The following CACNA1B variants were observed in gnomAD, a reference collection of about 807,000 sequenced individuals.
CACNA1B encodes the protein calcium voltage-gated channel subunit alpha1 B.
In CACNA1B, 70 loss-of-function variants were observed where a neutral mutation model predicts 247.2. The ratio of observed to expected loss-of-function variants is 0.28; its 90% CI spans 0.23 to 0.35. The LOEUF (loss-of-function observed/expected upper bound fraction) is 0.35, where lower values mean the gene tolerates loss of function less well. Ranked by LOEUF, CACNA1B falls within the 10% of genes least tolerant of loss-of-function variation. CACNA1B has a pLI of 1.00. For synonymous variants in CACNA1B, 1,231 were observed against 1,294.4 expected, an observed-to-expected ratio of 0.95 and a Z score of 1.05; for missense variants, 2,367 against 3,197.4, an observed-to-expected ratio of 0.74 and a Z score of 6.26.
rs183810511 is a variant in CACNA1B, at chr9:137,967,889, C to T, written c.1334-3494C>T. Among the ~76,000 whole-genome samples the T allele has an allele frequency of 9.1e-4, 139 of 152,316 alleles. 1 individual carries two copies. The highest frequency in any genetic ancestry group is 2.7e-3 in the African/African-American group (112 of 41,568). ...TGCATCTGGAGCCCCTCCTGTTTCA[C>T]GTGGTGTTGCTTGCTCTGCTCCTGT... On this transcript the variant is annotated intron_variant, in intron 10 of 46. Transcript: ENST00000371372.
chr9:138,118,561 AC>A, intron 43 of CACNA1B, 90 bp from the exon 44 acceptor site: 1 of 649,758 alleles, frequency 1.5e-6, no homozygotes, highest in Non-Finnish European at 2.7e-6. Flanking sequence ...TTTGGGTGAG[AC>A]CCCAGTGCCT....
In CACNA1B at chr9:138,058,417, T is replaced by C. The variant is rs1372887934; in HGVS notation, c.4309-152T>C. Reference sequence around the variant, plus strand: ...TGCAGAGGGACCGGATTTGGCTGGTTGAGGCCTGCTTGGAGAAGGTCTGGG... The same window carrying C: ...TGCAGAGGGACCGGATTTGGCTGGTCGAGGCCTGCTTGGAGAAGGTCTGGG... On this transcript the variant is annotated intron_variant, in intron 28 of 46. Transcript: ENST00000371372. This position sits in a 1 kb window ranked among gnomAD's most constrained non-coding sequence, Gnocchi z 4.7. 1.3e-5 allele frequency among the ~76,000 whole-genome samples: 2 copies of C among 152,190 alleles called. No homozygotes were observed. Among genetic ancestry groups the C allele is most frequent in the Non-Finnish European group, 2.9e-5 (2 of 68,034 alleles).
intron 18 of CACNA1B, among the ~76,000 whole-genome samples, chr9:138,022,370 G>C (rs114920637): frequency 0.01 from 1,530 of 152,162 alleles, 21 homozygotes; most frequent in African/African-American, 0.034. Context: ...ACTGGCAGAG[G>C]CTCTGCGTTT....
chr9:137,908,030 C>T (rs538252189), intron 3 of CACNA1B, among the ~76,000 whole-genome samples: 1 of 152,346 alleles, frequency 6.6e-6, no homozygotes, highest in South Asian at 2.1e-4. Flanking sequence ...TGCCCCATGC[C>T]TTCCCTGTCC....
At position 138,058,248 on chromosome 9, in the gene CACNA1B, G is replaced by A. The variant is rs1322525317; in HGVS notation, c.4306G>A (p.Glu1436Lys). The change falls in exon 28 of 47, where the codon GAG becomes AAG. Residue 1436 changes from glutamate to lysine, a missense_variant and splice_region_variant. Coordinates refer to ENST00000371372, the MANE Select transcript of CACNA1B (RefSeq NM_000718.4). The surrounding 1 kb of genome is among the most constrained non-coding windows in gnomAD (Gnocchi z 4.7). ...GTCTGAATGCAGCCTGGAGAAGAAC[G>A]AGGTAGGTGGACGCTCTGTGGAGTC... ...VMSECSLEKNERACIDFAISA... is the reference protein window; with the variant it reads ...VMSECSLEKNKRACIDFAISA... The A allele has an allele frequency of 1.2e-5, 19 of 1,611,792 alleles. No homozygotes were observed. Among genetic ancestry groups the A allele is most frequent in the Non-Finnish European group, 1.6e-5 (19 of 1,177,950 alleles).
intron 20 of CACNA1B, among the ~76,000 whole-genome samples, chr9:138,032,454 A>G (rs1958998836): frequency 6.6e-6 from 1 of 152,036 alleles, no homozygotes; most frequent in Non-Finnish European, 1.5e-5. Flanking sequence ...ATTTACCTGT[A>G]TTTTTACTCC....
chr9:137,908,991 C>A lies in CACNA1B; in HGVS notation c.531-4189C>A, dbSNP rs374004030. 3.0e-4 allele frequency among the ~76,000 whole-genome samples: 45 copies of A among 148,216 alleles called. No homozygotes were observed. In the East Asian group the frequency reaches 7.8e-3, roughly 26 times the overall value. On this transcript the variant is annotated intron_variant, in intron 3 of 46. Coordinates refer to ENST00000371372, the MANE Select transcript of CACNA1B (RefSeq NM_000718.4). ...TATAACATGAAGTTTTCTGTTTTAA[C>A]CTTTTTTTTTTTTTTTGAGACAGAA...
intron 11 of CACNA1B, among the ~76,000 whole-genome samples, chr9:137,975,638 G>A (rs190621004): frequency 2.0e-4 from 30 of 152,328 alleles, no homozygotes; most frequent in East Asian, 1.9e-3. Context: ...GGCTGATCTC[G>A]GGAGCTTGCC....
At chr9:137,978,588 A>G (rs1237229942) in intron 12 of CACNA1B, among the ~76,000 whole-genome samples, 2 of 152,188 alleles carry the variant, frequency 1.3e-5, no homozygotes, top group East Asian at 3.8e-4. Context: ...AGCTCGGCAG[A>G]GTTTACAGGA....
At chr9:138,116,354 A>G (rs961387224) in intron 42 of CACNA1B, among the ~76,000 whole-genome samples, 9 of 152,260 alleles carry the variant, frequency 5.9e-5, no homozygotes, top group African/African-American at 1.7e-4. Context: ...CAAATCACCC[A>G]GAAGCAGGTG....
chr9:137,992,992 A>G (rs1958450954), intron 15 of CACNA1B, among the ~76,000 whole-genome samples: 1 of 152,190 alleles, frequency 6.6e-6, no homozygotes, highest in African/African-American at 2.4e-5. Flanking sequence ...CTGAACGATA[A>G]TAGTGACACA....
At chr9:138,101,035 G>A (rs1330128913) in intron 37 of CACNA1B, 1 of 467,928 alleles carries the variant, frequency 2.1e-6, no homozygotes, top group Non-Finnish European at 4.4e-6. Flanking sequence ...CCCATCACAG[G>A]CTGGGCGGGC....
intron 36 of CACNA1B, among the ~76,000 whole-genome samples, chr9:138,090,459 A>G (rs966027282): frequency 1.3e-5 from 2 of 152,066 alleles, no homozygotes; most frequent in African/African-American, 4.8e-5. Context: ...TACTAGAATA[A>G]AATACAGGGA....
intron 32 of CACNA1B, 40 bp downstream of exon 32, chr9:138,069,803 C>T: frequency 1.9e-6 from 3 of 1,590,994 alleles, no homozygotes; most frequent in Non-Finnish European, 2.6e-6. Flanking sequence ...CAAGTCCTTG[C>T]TTTGCTCGCT....
rs551567772 is a variant in CACNA1B, at chr9:138,050,241, C to T, written c.3710+926C>T. On this transcript the variant is annotated intron_variant, in intron 24 of 46. Transcript: ENST00000371372. This position sits in a 1 kb window ranked among gnomAD's most constrained non-coding sequence, Gnocchi z 5.2. Reference sequence around the variant, plus strand: ...GGAGCCAAGTCCCCGGCCAGGGGTTCCTGCCATGCCTCTGGGAGCGGGGCG... The same window carrying T: ...GGAGCCAAGTCCCCGGCCAGGGGTTTCTGCCATGCCTCTGGGAGCGGGGCG... 6.2e-4 allele frequency among the ~76,000 whole-genome samples: 94 copies of T among 152,360 alleles called. No homozygotes were observed. Among genetic ancestry groups the T allele is most frequent in the African/African-American group, 2.1e-3 (87 of 41,596 alleles).
At chr9:138,114,930 G>A (rs1961801312) in intron 41 of CACNA1B, among the ~76,000 whole-genome samples, 1 of 152,134 alleles carries the variant, frequency 6.6e-6, no homozygotes, top group Non-Finnish European at 1.5e-5. Flanking sequence ...ATGATTTGGG[G>A]ACCCATCTTC....
intron 3 of CACNA1B, among the ~76,000 whole-genome samples, chr9:137,902,341 G>T (rs1472180112): frequency 6.6e-6 from 1 of 152,092 alleles, no homozygotes; most frequent in Admixed American, 6.5e-5. Flanking sequence ...CTGGCTCCTA[G>T]CCCCTCCCCA....
chr9:137,981,880 CT>C (rs1363802827), intron 12 of CACNA1B, among the ~76,000 whole-genome samples: 1 of 152,224 alleles, frequency 6.6e-6, no homozygotes, highest in African/African-American at 2.4e-5. Flanking sequence ...ATTCTCCTCG[CT>C]TTCCTGCAGA....
chr9:138,084,291 C>T (rs1354265603), intron 36 of CACNA1B, among the ~76,000 whole-genome samples: 1 of 151,242 alleles, frequency 6.6e-6, no homozygotes, highest in Non-Finnish European at 1.5e-5. Flanking sequence ...CCCAGTGGTG[C>T]TGCAGCTGAT....
Sources: allele counts gnomAD v4.1 joint callset (sites outside exome capture counted in the v4.1 genomes callset), GRCh38; gene constraint gnomAD v4.1.1; non-coding constraint Gnocchi (gnomAD v3.1); transcripts MANE v1.5; gene names NCBI Gene and HGNC (gene_info 2026-07-23, HGNC 2026-07-21).